Variants in UNC5D observed in about 807,000 individuals in gnomAD.
UNC5D encodes the protein netrin receptor UNC5D.
Under a neutral mutation model 105.4 loss-of-function variants are expected in UNC5D, and 39 were observed. The observed-to-expected ratio is 0.37, with a 90% confidence interval of 0.29 to 0.48. The LOEUF (loss-of-function observed/expected upper bound fraction) is 0.48, where lower values mean the gene tolerates loss of function less well. Ranked by LOEUF, UNC5D falls within the 20% of genes least tolerant of loss-of-function variation. The pLI, the probability that UNC5D is intolerant of heterozygous loss-of-function variation, is 0.98. For missense variants in UNC5D, 991 were observed against 1,202.4 expected (o/e 0.82, Z 2.60); for synonymous variants, 452 against 450.4 (o/e 1.00, Z -0.04).
chr8:35,768,926 C>T (rs1276941956), intron 15 of UNC5D, among the ~76,000 whole-genome samples: 1 of 152,026 alleles, frequency 6.6e-6, no homozygotes, highest in African/African-American at 2.4e-5. Flanking sequence ...CTTTATTAAC[C>T]CTTTGATCCT....
At chr8:35,609,840 GC>G (rs1820557584) in intron 4 of UNC5D, among the ~76,000 whole-genome samples, 1 of 152,154 alleles carries the variant, frequency 6.6e-6, no homozygotes, top group South Asian at 2.1e-4. Flanking sequence ...AGCTGGTGGG[GC>G]CCCCAGTGTA....
intron 1 of UNC5D, among the ~76,000 whole-genome samples, chr8:35,240,029 A>G (rs1245586392): frequency 6.6e-6 from 1 of 151,816 alleles, no homozygotes; most frequent in Admixed American, 6.6e-5. Context: ...GCGAACTCCT[A>G]GGCTCAAGTG....
At chr8:35,708,881 T>C (rs1394672040) in intron 8 of UNC5D, among the ~76,000 whole-genome samples, 1 of 152,152 alleles carries the variant, frequency 6.6e-6, no homozygotes, top group Non-Finnish European at 1.5e-5. Context: ...TTCCTCAAAG[T>C]TGAAATTATC....
Position 35,793,300 on chromosome 8 carries a change from AG to A in UNC5D, c.*2738del. ...AGGTAGAATTGCAGATCAGATAAAA[AG>A]TGAGCTTACACTTGAACTTAGTTAT... On this transcript the variant is annotated 3_prime_UTR_variant, in exon 17 of 17. Transcript: ENST00000404895. The A allele has an allele frequency of 5.6e-6, 2 of 358,594 alleles. No homozygotes were observed. The highest frequency in any genetic ancestry group is 4.3e-5 in the South Asian group (2 of 46,450). 22.2% of individuals were successfully genotyped at this position (358,594 alleles called of 1,614,324 possible). A position where few individuals can be genotyped will look rare whatever the true frequency, so the allele number is the denominator to read the frequency against.
At chr8:35,581,190 T>C in intron 3 of UNC5D, among the ~76,000 whole-genome samples, 1 of 152,154 alleles carries the variant, frequency 6.6e-6, no homozygotes, top group East Asian at 1.9e-4. Flanking sequence ...CCAGATTCCT[T>C]CTCTTCCCAC....
At chr8:35,368,338 C>T (rs1277614448) in intron 1 of UNC5D, among the ~76,000 whole-genome samples, 3 of 151,996 alleles carry the variant, frequency 2.0e-5, no homozygotes, top group East Asian at 1.9e-4. Flanking sequence ...CACACATGTG[C>T]GCATGCATGC....
At chr8:35,602,127 C>A (rs1438612550) in intron 4 of UNC5D, among the ~76,000 whole-genome samples, 1 of 152,198 alleles carries the variant, frequency 6.6e-6, no homozygotes, top group Non-Finnish European at 1.5e-5. Context: ...TTGAACCAGT[C>A]TGGCATCCCA....
intron 1 of UNC5D, among the ~76,000 whole-genome samples, chr8:35,494,848 G>A (rs900113989): frequency 5.3e-5 from 8 of 151,952 alleles, no homozygotes; most frequent in South Asian, 2.1e-4. Flanking sequence ...TATTTGCTCC[G>A]CTTTAATTAT....
At chr8:35,783,273 C>T (rs758301765) in intron 16 of UNC5D, among the ~76,000 whole-genome samples, 1 of 152,084 alleles carries the variant, frequency 6.6e-6, no homozygotes, top group Non-Finnish European at 1.5e-5. Flanking sequence ...GGGCAAAAGC[C>T]GAAATTCTGA....
At chr8:35,301,316 A>G (rs911981896) in intron 1 of UNC5D, among the ~76,000 whole-genome samples, 1 of 152,246 alleles carries the variant, frequency 6.6e-6, no homozygotes, top group Non-Finnish European at 1.5e-5. Context: ...ATGGTATTCC[A>G]TTATAACCTA....
chr8:35,472,676 CTT>C (rs1279381450), intron 1 of UNC5D, among the ~76,000 whole-genome samples: 1 of 152,148 alleles, frequency 6.6e-6, no homozygotes, highest in Non-Finnish European at 1.5e-5. Flanking sequence ...AGAAAATACT[CTT>C]TGTTCAGAAA....
intron 1 of UNC5D, among the ~76,000 whole-genome samples, chr8:35,321,848 A>G (rs1809772214): frequency 1.3e-5 from 2 of 152,128 alleles, no homozygotes; most frequent in South Asian, 4.1e-4. Context: ...CTCTGTCTCC[A>G]TCACTTCTTA....
At chr8:35,705,805 T>C in intron 7 of UNC5D, 124 bp from the exon 8 acceptor site, 1 of 544,416 alleles carries the variant, frequency 1.8e-6, no homozygotes, top group South Asian at 2.3e-5. Flanking sequence ...GCCATTCCTG[T>C]TGTCCATAAA....
intron 1 of UNC5D, among the ~76,000 whole-genome samples, chr8:35,402,230 C>A (rs1271287189): frequency 6.6e-6 from 1 of 152,020 alleles, no homozygotes; most frequent in African/African-American, 2.4e-5. Flanking sequence ...AAAGACATAC[C>A]CAAGACTGGG....
chr8:35,272,768 G>A (rs1802902918), intron 1 of UNC5D, among the ~76,000 whole-genome samples: 1 of 152,104 alleles, frequency 6.6e-6, no homozygotes, highest in Admixed American at 6.6e-5. Context: ...TCCAAAACCA[G>A]GTTTTCAGTA....
chr8:35,568,974 T>G (rs1222030852), intron 3 of UNC5D, among the ~76,000 whole-genome samples: 1 of 151,594 alleles, frequency 6.6e-6, no homozygotes, highest in East Asian at 1.9e-4. Context: ...TATAACCTAC[T>G]GTTCAATCTC....
intron 3 of UNC5D, among the ~76,000 whole-genome samples, chr8:35,588,741 A>G (rs1818958744): frequency 6.6e-6 from 1 of 152,132 alleles, no homozygotes; most frequent in South Asian, 2.1e-4. Flanking sequence ...CATGAAGGCA[A>G]ATTAAGGATT....
chr8:35,603,068 T>A (rs1345757356), intron 4 of UNC5D, among the ~76,000 whole-genome samples: 1 of 152,116 alleles, frequency 6.6e-6, no homozygotes, highest in African/African-American at 2.4e-5. Context: ...TGATCTTAGT[T>A]ATTTCTTGCC....
intron 1 of UNC5D, among the ~76,000 whole-genome samples, chr8:35,420,082 G>T (rs1468788570): frequency 6.6e-6 from 1 of 152,068 alleles, no homozygotes; most frequent in Non-Finnish European, 1.5e-5. Flanking sequence ...AATCAAAAAA[G>T]GGTTTTCAGC....
Sources: allele counts gnomAD v4.1 joint callset (sites outside exome capture counted in the v4.1 genomes callset), GRCh38; gene constraint gnomAD v4.1.1; transcripts MANE v1.5; gene names NCBI Gene and HGNC (gene_info 2026-07-23, HGNC 2026-07-21).